CCDC57: variants seen among roughly 807,000 people sequenced by gnomAD.
The protein encoded by CCDC57 is coiled-coil domain containing 57.
CCDC57 carries 118 observed loss-of-function variants against 118.9 expected under a neutral mutation model. That is an observed-to-expected ratio of 0.99 (90% CI 0.86 to 1.16). The LOEUF (loss-of-function observed/expected upper bound fraction) is 1.16. Ranked by LOEUF, CCDC57 falls within the 50% of genes most tolerant of loss-of-function variation. CCDC57 has a pLI of 0.00. For synonymous variants in CCDC57, 527 were observed against 532.9 expected (o/e 0.99, Z 0.15); for missense variants, 1,300 against 1,320.7 (o/e 0.98, Z 0.24).
chr17:82,114,223 C>T (rs1056999516), intron 19 of CCDC57, among the ~76,000 whole-genome samples: 4 of 152,174 alleles, frequency 2.6e-5, no homozygotes, highest in African/African-American at 7.2e-5. Flanking sequence ...CCATCCATGG[C>T]GGGGCCATCC....
At chr17:82,129,264 T>A (rs2037943293) in intron 17 of CCDC57, among the ~76,000 whole-genome samples, 1 of 152,044 alleles carries the variant, frequency 6.6e-6, no homozygotes, top group Non-Finnish European at 1.5e-5. Context: ...GCCCGCCCCA[T>A]GCCTGATGTC....
intron 16 of CCDC57, among the ~76,000 whole-genome samples, chr17:82,147,588 G>C (rs567005762): frequency 2.0e-5 from 3 of 146,780 alleles, no homozygotes; most frequent in African/African-American, 7.6e-5. Context: ...TGGATGGATG[G>C]ATGGGTGGGT....
chr17:82,110,821 T>TG (rs2035189031), intron 19 of CCDC57, among the ~76,000 whole-genome samples: 1 of 152,086 alleles, frequency 6.6e-6, no homozygotes, highest in Admixed American at 6.5e-5. Context: ...GGTCAGGAGT[T>TG]GGAGACCAGC....
At position 82,172,780 on chromosome 17, in the gene CCDC57, C is replaced by T. The variant is rs769455706; in HGVS notation, c.1587G>A (p.Thr529=). Reference sequence around the variant, plus strand: ...TCTGGGCAATCGCGTTTCGCAAGCTCGTGTTCTGCTCTCGGAGCCGCTGGA... The same window carrying T: ...TCTGGGCAATCGCGTTTCGCAAGCTTGTGTTCTGCTCTCGGAGCCGCTGGA... The change falls in exon 12 of 20, where the codon ACG becomes ACA. Residue 529 remains threonine (T), a synonymous_variant. Coordinates refer to ENST00000665763, the Ensembl canonical transcript of CCDC57. This position sits in a 1 kb window ranked among gnomAD's most constrained non-coding sequence, Gnocchi z 5.2. 12 of 1,613,172 alleles carry T rather than the reference C, an allele frequency of 7.4e-6. No individual in the cohort carries two copies. The highest frequency in any genetic ancestry group is 3.3e-4 in the Middle Eastern group (2 of 6,046).
At chr17:82,107,844 C>T (rs1419758417) in intron 19 of CCDC57, among the ~76,000 whole-genome samples, 1 of 152,182 alleles carries the variant, frequency 6.6e-6, no homozygotes, top group African/African-American at 2.4e-5. Context: ...CCTACAGTGC[C>T]ATCGGGTGCT....
intron 17 of CCDC57, among the ~76,000 whole-genome samples, chr17:82,129,625 C>G (rs1028171511): frequency 2.6e-5 from 4 of 152,234 alleles, no homozygotes; most frequent in Non-Finnish European, 5.9e-5. Context: ...TCACTGCCCC[C>G]CGGGCTTCGT....
chr17:82,166,327 T>G (rs373578368), intron 13 of CCDC57, among the ~76,000 whole-genome samples: 1 of 141,352 alleles, frequency 7.1e-6, no homozygotes, highest in African/African-American at 2.7e-5. Flanking sequence ...CTGGGCAACA[T>G]AGTGAAACCC....
intron 11 of CCDC57, among the ~76,000 whole-genome samples, 166 bp from the exon 11 acceptor site, chr17:82,173,026 C>T (rs1439679478): frequency 6.6e-6 from 1 of 152,116 alleles, no homozygotes; most frequent in African/African-American, 2.4e-5. Flanking sequence ...TCCTTTCTGA[C>T]AGAAGTGCAA....
chr17:82,189,833 G>A (rs1194885185), intron 7 of CCDC57, among the ~76,000 whole-genome samples: 1 of 151,508 alleles, frequency 6.6e-6, no homozygotes, highest in Non-Finnish European at 1.5e-5. Context: ...TCAACATGGA[G>A]AAACTGTCTC....
exon 6 of CCDC57, chr17:82,194,124 T>C: frequency 6.2e-7 from 1 of 1,613,248 alleles, no homozygotes; most frequent in South Asian, 1.1e-5. Context: ...TCCAGCTCTT[T>C]GTGCAGTAGT....
exon 14 of CCDC57, chr17:82,163,223 G>C: frequency 6.2e-7 from 1 of 1,613,984 alleles, no homozygotes; most frequent in Non-Finnish European, 8.5e-7. Context: ...CGTGTCACCA[G>C]CAGGTTTAGG....
intron 16 of CCDC57, among the ~76,000 whole-genome samples, chr17:82,147,272 G>A: frequency 8.2e-6 from 1 of 122,364 alleles, no homozygotes; most frequent in Admixed American, 1.1e-4. Flanking sequence ...ATGGGTGGAT[G>A]CAAAGATAGA....
intron 19 of CCDC57, among the ~76,000 whole-genome samples, chr17:82,125,761 A>G (rs1028949946): frequency 3.3e-5 from 5 of 152,348 alleles, no homozygotes; most frequent in Admixed American, 1.3e-4. Flanking sequence ...AGAAGGATAA[A>G]GAGGAGATCC....
chr17:82,110,515 G>A (rs1242679054), intron 19 of CCDC57, among the ~76,000 whole-genome samples: 1 of 152,190 alleles, frequency 6.6e-6, no homozygotes, highest in African/African-American at 2.4e-5. Flanking sequence ...ATGAGGCACA[G>A]GAGGTCTAAC....
At chr17:82,140,128 C>T (rs2039820355) in intron 16 of CCDC57, among the ~76,000 whole-genome samples, 1 of 152,042 alleles carries the variant, frequency 6.6e-6, no homozygotes, top group African/African-American at 2.4e-5. Context: ...CTCTGTTGTC[C>T]AGGCTGGAGT....
intron 16 of CCDC57, 36 bp downstream of exon 15, chr17:82,151,524 C>T (rs1393472848): frequency 3.9e-6 from 6 of 1,543,210 alleles, no homozygotes; most frequent in Non-Finnish European, 5.3e-6. Context: ...GAACCTGACC[C>T]ACACTCAGGC....
intron 8 of CCDC57, among the ~76,000 whole-genome samples, chr17:82,184,331 A>G (rs1727231378): frequency 6.6e-6 from 1 of 151,526 alleles, no homozygotes; most frequent in Admixed American, 6.6e-5. Context: ...AGTCACCCTC[A>G]TGTCCTCGCC....
At chr17:82,205,617 C>G (rs1176178425) in intron 2 of CCDC57, among the ~76,000 whole-genome samples, 3 of 152,170 alleles carry the variant, frequency 2.0e-5, no homozygotes, top group Non-Finnish European at 2.9e-5. Flanking sequence ...TCCTTCCCAC[C>G]AGGTCTCAGG....
At chr17:82,196,047 C>A (rs1244817634) in intron 4 of CCDC57, among the ~76,000 whole-genome samples, 1 of 152,228 alleles carries the variant, frequency 6.6e-6, no homozygotes, top group Non-Finnish European at 1.5e-5. Flanking sequence ...GCGTGGACAG[C>A]CTGGGAAGTC....
Sources: gnomAD v4.1 joint callset for allele counts (sites outside exome capture counted in the v4.1 genomes callset) on GRCh38, gnomAD v4.1.1 for gene constraint, Gnocchi (gnomAD v3.1) non-coding constraint, MANE v1.5 for transcripts, NCBI Gene and HGNC (gene_info 2026-07-23, HGNC 2026-07-21) for gene names.